The following SEMA5A variants were observed in gnomAD, a reference collection of about 807,000 sequenced individuals.
SEMA5A encodes semaphorin-5A.
Under a neutral mutation model 135.5 loss-of-function variants are expected in SEMA5A, and 55 were observed. The ratio of observed to expected loss-of-function variants is 0.41; its 90% CI spans 0.33 to 0.51. SEMA5A has a LOEUF of 0.51. SEMA5A is among the 20% of genes least tolerant of loss of function. SEMA5A has a pLI of 0.37. For synonymous variants in SEMA5A, 580 were observed against 546.5 expected, an observed-to-expected ratio of 1.06 and a Z score of -0.85; for missense variants, 1,290 against 1,419.9, an observed-to-expected ratio of 0.91 and a Z score of 1.47.
At chr5:9,194,753 G>A (rs984553873) in intron 10 of SEMA5A, among the ~76,000 whole-genome samples, 8 of 152,182 alleles carry the variant, frequency 5.3e-5, no homozygotes, top group Non-Finnish European at 1.0e-4. Context: ...TGCCTGAAAC[G>A]CATGCCAATT....
In SEMA5A at chr5:9,305,708, G is replaced by GTGTATATATATATATATATATA. The variant is rs1554017498; in HGVS notation, c.270+12663_270+12664insTATATATATATATATATATACA. 3.8e-3 allele frequency among the ~76,000 whole-genome samples: 524 copies of GTGTATATATATATATATATATA among 138,992 alleles called. 10 individuals are homozygous for GTGTATATATATATATATATATA. The highest frequency in any genetic ancestry group is 4.8e-3 in the African/African-American group (171 of 35,822). 91.2% of individuals were successfully genotyped at this position (138,992 alleles called of 152,430 possible). A position where few individuals can be genotyped will look rare whatever the true frequency, so the allele number is the denominator to read the frequency against. On this transcript the variant is annotated intron_variant, in intron 5 of 22. Transcript: ENST00000382496. The stretch of plus-strand genomic sequence containing the variant: ...CAGTATATATACTGTGTGTGTGTGC[G>GTGTATATATATATATATATATA]TATATATATATATATATATTTACAC...
At chr5:9,503,861 G>A (rs528848510) in intron 1 of SEMA5A, among the ~76,000 whole-genome samples, 3 of 152,296 alleles carry the variant, frequency 2.0e-5, no homozygotes, top group East Asian at 3.9e-4. Context: ...AGTAATGCCT[G>A]GAACAGACAA....
intron 2 of SEMA5A, among the ~76,000 whole-genome samples, chr5:9,407,650 A>AG (rs1756938881): frequency 6.6e-6 from 1 of 152,200 alleles, no homozygotes; most frequent in East Asian, 1.9e-4. Context: ...CCTGTGGAAG[A>AG]GGGGCTATAC....
At chr5:9,385,564 T>G (rs1028396483) in intron 2 of SEMA5A, among the ~76,000 whole-genome samples, 1 of 152,122 alleles carries the variant, frequency 6.6e-6, no homozygotes, top group Non-Finnish European at 1.5e-5. Flanking sequence ...CATTAGAGAC[T>G]TGCTTTGGCA....
intron 12 of SEMA5A, among the ~76,000 whole-genome samples, chr5:9,143,648 G>C (rs1742180222): frequency 6.6e-6 from 1 of 152,156 alleles, no homozygotes; most frequent in Admixed American, 6.5e-5. Context: ...TTAAAAAACA[G>C]TGATGGGATT....
At chr5:9,304,291 A>G (rs1175936843) in intron 5 of SEMA5A, among the ~76,000 whole-genome samples, 1 of 152,090 alleles carries the variant, frequency 6.6e-6, no homozygotes, top group South Asian at 2.1e-4. Context: ...AAAAAAATCT[A>G]CTTTTCTCAT....
chr5:9,324,816 C>T (rs186211815), intron 4 of SEMA5A, among the ~76,000 whole-genome samples: 20 of 152,240 alleles, frequency 1.3e-4, no homozygotes, highest in Admixed American at 2.6e-4. Context: ...AAACAATATG[C>T]GTGAGGTTCA....
chr5:9,541,649 G>A (rs1423722168), intron 1 of SEMA5A, among the ~76,000 whole-genome samples: 1 of 152,212 alleles, frequency 6.6e-6, no homozygotes, highest in Non-Finnish European at 1.5e-5. Context: ...GGGAAATAAA[G>A]TGTGCTTGTC....
intron 1 of SEMA5A, among the ~76,000 whole-genome samples, chr5:9,526,825 C>T (rs1273484259): frequency 6.6e-6 from 1 of 152,210 alleles, no homozygotes; most frequent in African/African-American, 2.4e-5. Flanking sequence ...ACCCACCCTA[C>T]TGGGCTGTCA....
intron 7 of SEMA5A, among the ~76,000 whole-genome samples, chr5:9,225,297 T>C (rs1477541412): frequency 1.4e-5 from 2 of 144,402 alleles, no homozygotes; most frequent in East Asian, 4.1e-4. Flanking sequence ...CTCACGCCTA[T>C]AATCCCAGCA....
intron 11 of SEMA5A, among the ~76,000 whole-genome samples, chr5:9,160,653 A>ATAT (rs1314310740): frequency 3.3e-5 from 5 of 151,886 alleles, no homozygotes; most frequent in Admixed American, 3.3e-4. Context: ...ATATATATAT[A>ATAT]TTTTTTGCTG....
chr5:9,112,659 A>G (rs563752900), intron 15 of SEMA5A, among the ~76,000 whole-genome samples: 12 of 152,332 alleles, frequency 7.9e-5, no homozygotes, highest in Non-Finnish European at 1.5e-4. Context: ...AATAAAAACC[A>G]TTGAGCCCTG....
rs1735922820 is a variant in SEMA5A, at chr5:9,040,819, T to C, written c.*2078A>G. The C allele has an allele frequency of 6.6e-6, 1 of 152,190 alleles. No homozygotes were observed. Among genetic ancestry groups the C allele is most frequent in the African/African-American group, 2.4e-5 (1 of 41,444 alleles). The allele number at this position is 152,190 out of a possible 1,614,324, so 9.4% of individuals were successfully genotyped here. Reference sequence around the variant, plus strand: ...CCTCTTTACCAGGGAAAATAAAATGTCCCTTTAAGCTTACAAACTATTAGG... The same window carrying C: ...CCTCTTTACCAGGGAAAATAAAATGCCCCTTTAAGCTTACAAACTATTAGG... On this transcript the variant is annotated 3_prime_UTR_variant, in exon 23 of 23. Transcript: ENST00000382496.
chr5:9,533,452 T>G (rs1737570997), intron 1 of SEMA5A, among the ~76,000 whole-genome samples: 1 of 152,228 alleles, frequency 6.6e-6, no homozygotes, highest in Non-Finnish European at 1.5e-5. Context: ...TTAATGTCTT[T>G]TCTCCAAGTA....
chr5:9,333,544 G>A (rs753225591), intron 4 of SEMA5A, among the ~76,000 whole-genome samples: 29 of 152,304 alleles, frequency 1.9e-4, no homozygotes, highest in South Asian at 8.3e-4. Context: ...CCTTGTATCT[G>A]TTGCAACAAT....
chr5:9,521,813 C>CCTT (rs1736847764), intron 1 of SEMA5A, among the ~76,000 whole-genome samples: 1 of 152,178 alleles, frequency 6.6e-6, no homozygotes. Flanking sequence ...TCTGAGCCTC[C>CCTT]CTTCACCCCA....
chr5:9,040,800 T>G lies in SEMA5A; in HGVS notation c.*2097A>C, dbSNP rs529126298. Reference sequence around the variant, plus strand: ...ATTCTTGAAATATTAGAATCCTCTTTACCAGGGAAAATAAAATGTCCCTTT... The same window carrying G: ...ATTCTTGAAATATTAGAATCCTCTTGACCAGGGAAAATAAAATGTCCCTTT... On this transcript the variant is annotated 3_prime_UTR_variant, in exon 23 of 23. Transcript: ENST00000382496. The G allele has an allele frequency of 6.6e-6, 1 of 152,306 alleles. No individual in the cohort carries two copies. Among genetic ancestry groups the G allele is most frequent in the African/African-American group, 2.4e-5 (1 of 41,580 alleles). The allele number at this position is 152,306 out of a possible 1,614,324, so 9.4% of individuals were successfully genotyped here.
intron 1 of SEMA5A, among the ~76,000 whole-genome samples, chr5:9,481,363 G>A (rs557152996): frequency 6.6e-6 from 1 of 152,100 alleles, no homozygotes; most frequent in Non-Finnish European, 1.5e-5. Flanking sequence ...GACCTATTTT[G>A]GTGGCTTATT....
intron 1 of SEMA5A, among the ~76,000 whole-genome samples, chr5:9,516,329 T>C (rs1444661256): frequency 1.3e-5 from 2 of 152,120 alleles, no homozygotes; most frequent in Admixed American, 6.6e-5. Context: ...GCAGGAGTTT[T>C]GCCCATCACA....
Sources: allele counts gnomAD v4.1 joint callset (sites outside exome capture counted in the v4.1 genomes callset), GRCh38; gene constraint gnomAD v4.1.1; transcripts MANE v1.5; gene names NCBI Gene and HGNC (gene_info 2026-07-23, HGNC 2026-07-21).